The following PTPA variants were observed in gnomAD, a reference collection of about 807,000 sequenced individuals.
PTPA encodes the protein serine/threonine-protein phosphatase 2A activator.
Under a neutral mutation model 43.6 loss-of-function variants are expected in PTPA, and 13 were observed. That is an observed-to-expected ratio of 0.30 (90% CI 0.19 to 0.47). PTPA has a LOEUF of 0.47. Ranked by LOEUF, PTPA falls within the 20% of genes least tolerant of loss-of-function variation. The pLI, the probability that PTPA is intolerant of heterozygous loss-of-function variation, is 0.99. For missense variants in PTPA, 329 were observed against 411.9 expected, an observed-to-expected ratio of 0.80 and a Z score of 1.74; for synonymous variants, 172 against 158.2, an observed-to-expected ratio of 1.09 and a Z score of -0.66.
chr9:129,134,588 G>C, intron 5 of PTPA, among the ~76,000 whole-genome samples: 1 of 152,168 alleles, frequency 6.6e-6, no homozygotes, highest in South Asian at 2.1e-4. Context: ...ACAGGCATGA[G>C]CCACCATGCA....
intron 1 of PTPA, among the ~76,000 whole-genome samples, chr9:129,116,533 C>T (rs2131542025): frequency 6.6e-6 from 1 of 152,096 alleles, no homozygotes. Flanking sequence ...ACTAAAGCAC[C>T]CGCCACCATG....
intron 1 of PTPA, among the ~76,000 whole-genome samples, chr9:129,113,732 T>A (rs1848695427): frequency 6.6e-6 from 1 of 151,992 alleles, no homozygotes; most frequent in African/African-American, 2.4e-5. Context: ...ATTGCTCCAC[T>A]GCACTCCAGC....
rs547967990 is a variant in PTPA at position 129,140,420 on chromosome 9, C to T, written c.787-2025C>T. Reference sequence around the variant, plus strand: ...TGAAGGCCTGGGGGCAGCCTGCAGCCCCTCCAAAGAAACTACCTCTCTGGC... The same window carrying T: ...TGAAGGCCTGGGGGCAGCCTGCAGCTCCTCCAAAGAAACTACCTCTCTGGC... On this transcript the variant is annotated intron_variant, in intron 8 of 9. Transcript: ENST00000393370. 2.6e-5 allele frequency among the ~76,000 whole-genome samples: 4 copies of T among 152,308 alleles called. No individual in the cohort carries two copies. In the South Asian group the frequency reaches 8.3e-4, roughly 32 times the overall value.
At chr9:129,114,027 C>A (rs954587910) in intron 1 of PTPA, among the ~76,000 whole-genome samples, 1 of 151,982 alleles carries the variant, frequency 6.6e-6, no homozygotes. Flanking sequence ...GAAAGAACTT[C>A]TTCTTTTTAG....
chr9:129,114,222 C>T (rs189179275), intron 1 of PTPA, among the ~76,000 whole-genome samples: 14 of 152,200 alleles, frequency 9.2e-5, no homozygotes, highest in Non-Finnish European at 1.9e-4. Flanking sequence ...GGGATTTCGC[C>T]GTGTGGGCCA....
At chr9:129,115,628 T>C (rs926621146) in intron 1 of PTPA, among the ~76,000 whole-genome samples, 1 of 127,348 alleles carries the variant, frequency 7.9e-6, no homozygotes, top group Non-Finnish European at 1.6e-5. Context: ...TCTTCCACTT[T>C]AGGGAGAGTT....
intron 6 of PTPA, among the ~76,000 whole-genome samples, chr9:129,135,421 C>T (rs781274821): frequency 1.1e-4 from 17 of 152,142 alleles, no homozygotes; most frequent in African/African-American, 3.4e-4. Context: ...CACATAATGT[C>T]TGCCAGTATT....
At chr9:129,112,597 C>A (rs982614765) in intron 1 of PTPA, among the ~76,000 whole-genome samples, 3 of 152,172 alleles carry the variant, frequency 2.0e-5, no homozygotes, top group African/African-American at 7.2e-5. Flanking sequence ...TTAGGACATT[C>A]AAAACCAGAC....
At chr9:129,136,319 T>G in intron 6 of PTPA, 152 bp from the exon 7 acceptor site, 1 of 939,828 alleles carries the variant, frequency 1.1e-6, no homozygotes, top group Non-Finnish European at 1.5e-6. Context: ...GCTGAGTGTT[T>G]GTTGGGGGAA....
Position 129,143,686 on chromosome 9 carries a change from C to G in PTPA, c.894+1134C>G, listed in dbSNP as rs1851071953. ...CCCCCTTTGGTCCCCTTCCTCTGGA[C>G]CTCACATCCTGTGTTTAGGTTCCAG... On this transcript the variant is annotated intron_variant, in intron 9 of 9. Transcript: ENST00000393370. 6 of 469,376 alleles carry G rather than the reference C, an allele frequency of 1.3e-5. No homozygotes were observed. The East Asian group carries it at 2.1e-4, about 17-fold the overall frequency. The allele number at this position is 469,376 out of a possible 1,614,324, so 29.1% of individuals were successfully genotyped here.
chr9:129,116,384 CTTTTTTTTTT>C (rs142067473), intron 1 of PTPA, among the ~76,000 whole-genome samples: 1 of 107,706 alleles, frequency 9.3e-6, no homozygotes, highest in African/African-American at 4.3e-5. Context: ...GACAGGGTTT[CTTTTTTTTTT>C]TTTTTTTTTT....
chr9:129,129,537 TTGGCTCACTGCAAGCTCCACCTCC>T (rs1350149568), intron 4 of PTPA, among the ~76,000 whole-genome samples: 1 of 152,010 alleles, frequency 6.6e-6, no homozygotes, highest in African/African-American at 2.4e-5. Context: ...TGGCGCAGTC[TTGGCTCACTGCAAGCTCCACCTCC>T]TGGGTTCACG....
chr9:129,146,513 C>T (rs1851313233), intron 9 of PTPA, among the ~76,000 whole-genome samples: 1 of 152,332 alleles, frequency 6.6e-6, no homozygotes, highest in African/African-American at 2.4e-5. Flanking sequence ...TCTTGTTCCA[C>T]CCCAGCCAGG....
chr9:129,146,724 T>C (rs1851326014), intron 9 of PTPA, among the ~76,000 whole-genome samples: 1 of 152,162 alleles, frequency 6.6e-6, no homozygotes, highest in Non-Finnish European at 1.5e-5. Flanking sequence ...GCTTCTGTGA[T>C]AGGCCCTGTC....
intron 8 of PTPA, chr9:129,142,175 CG>C (rs1588534745): frequency 5.4e-6 from 2 of 368,134 alleles, no homozygotes; most frequent in Middle Eastern, 7.1e-4. Context: ...GGGGTGACTG[CG>C]GGTAGGTGGG....
upstream of PTPA, chr9:129,111,331 G>T (rs1207109747): frequency 1.7e-6 from 2 of 1,156,708 alleles, no homozygotes; most frequent in African/African-American, 3.2e-5. Context: ...CGCCCCGCGC[G>T]CCCCGCACTG....
At chr9:129,147,047 C>G (rs1174133335) in intron 9 of PTPA, among the ~76,000 whole-genome samples, 2 of 152,216 alleles carry the variant, frequency 1.3e-5, no homozygotes, top group African/African-American at 2.4e-5. Context: ...GAACTGGGAC[C>G]TGGGCTGGGG....
chr9:129,143,252 A>G, intron 9 of PTPA: 1 of 698,092 alleles, frequency 1.4e-6, no homozygotes, highest in South Asian at 1.5e-5. Flanking sequence ...CCCTTCTGCT[A>G]GCTCCTCCCA....
At chr9:129,143,527 G>A in intron 9 of PTPA, 1 of 688,372 alleles carries the variant, frequency 1.5e-6, no homozygotes, top group Non-Finnish European at 2.7e-6. Context: ...CGGGACAACG[G>A]GGAAGGGTGC....
Sources: gnomAD v4.1 joint callset for allele counts (sites outside exome capture counted in the v4.1 genomes callset) on GRCh38, gnomAD v4.1.1 for gene constraint, MANE v1.5 for transcripts, NCBI Gene and HGNC (gene_info 2026-07-23, HGNC 2026-07-21) for gene names.